The following CCSER1 variants were observed in gnomAD, a reference collection of about 807,000 sequenced individuals.
The protein encoded by CCSER1 is serine-rich coiled-coil domain-containing protein 1.
CCSER1 carries 41 observed loss-of-function variants against 82.0 expected under a neutral mutation model. That is an observed-to-expected ratio of 0.50 (90% CI 0.39 to 0.65). CCSER1 has a LOEUF of 0.65. Ranked by LOEUF, CCSER1 falls within the 30% of genes least tolerant of loss-of-function variation. The pLI, the probability that CCSER1 is intolerant of heterozygous loss-of-function variation, is 0.00. For missense variants in CCSER1, 1,119 were observed against 1,064.2 expected (o/e 1.05, Z -0.72); for synonymous variants, 414 against 383.9 (o/e 1.08, Z -0.92).
At chr4:90,486,578 A>G (rs950035117) in intron 5 of CCSER1, among the ~76,000 whole-genome samples, 2 of 152,192 alleles carry the variant, frequency 1.3e-5, no homozygotes, top group East Asian at 3.9e-4. Context: ...CTAAAACTTC[A>G]CTAGTCATGA....
chr4:91,081,353 A>C (rs1335036854), intron 9 of CCSER1, among the ~76,000 whole-genome samples: 2 of 152,112 alleles, frequency 1.3e-5, no homozygotes, highest in Non-Finnish European at 2.9e-5. Context: ...CGATGAATAA[A>C]ATTCAACAGC....
chr4:90,296,991 C>T (rs1732090990), intron 1 of CCSER1, among the ~76,000 whole-genome samples: 1 of 152,012 alleles, frequency 6.6e-6, no homozygotes, highest in Non-Finnish European at 1.5e-5. Flanking sequence ...TTTTTGTTTC[C>T]ATATGAACTT....
intron 5 of CCSER1, among the ~76,000 whole-genome samples, chr4:90,515,585 A>G (rs1385676989): frequency 6.6e-6 from 1 of 152,218 alleles, no homozygotes; most frequent in East Asian, 1.9e-4. Flanking sequence ...TGTATTGTTC[A>G]CATGACATGA....
At chr4:90,600,587 A>C (rs1032394340) in intron 5 of CCSER1, among the ~76,000 whole-genome samples, 1 of 152,168 alleles carries the variant, frequency 6.6e-6, no homozygotes, top group East Asian at 1.9e-4. Flanking sequence ...ATGCTGTGAA[A>C]GATTTTCTTC....
In CCSER1 at chr4:91,278,110, A is replaced by G. The variant is rs536264017; in HGVS notation, c.2217+192116A>G. On this transcript the variant is annotated intron_variant, in intron 10 of 10. Coordinates refer to ENST00000509176, the MANE Select transcript of CCSER1 (RefSeq NM_001145065.2). ...TTTTGTGTCCTAACATATGGCCTGGAGAATGTTCCATATGCTAAGGAGAAG... is the reference window on the plus strand; with the variant it reads ...TTTTGTGTCCTAACATATGGCCTGGGGAATGTTCCATATGCTAAGGAGAAG... Among the ~76,000 whole-genome samples the G allele has an allele frequency of 1.5e-3, 231 of 152,124 alleles. 1 individual carries two copies. Among genetic ancestry groups the G allele is most frequent in the African/African-American group, 5.2e-3 (216 of 41,530 alleles).
At chr4:90,146,622 G>C (rs1033710808) in intron 1 of CCSER1, among the ~76,000 whole-genome samples, 1 of 152,030 alleles carries the variant, frequency 6.6e-6, no homozygotes, top group Non-Finnish European at 1.5e-5. Flanking sequence ...TAACTCAACT[G>C]TTATCGAAAT....
chr4:91,549,694 G>A (rs998298761), intron 10 of CCSER1, among the ~76,000 whole-genome samples: 1 of 152,016 alleles, frequency 6.6e-6, no homozygotes, highest in Non-Finnish European at 1.5e-5. Flanking sequence ...AAAATTAGAC[G>A]GCCGTGCTGG....
At chr4:90,558,263 C>G (rs1778355011) in intron 5 of CCSER1, among the ~76,000 whole-genome samples, 2 of 152,068 alleles carry the variant, frequency 1.3e-5, no homozygotes, top group Non-Finnish European at 2.9e-5. Context: ...TGGAAATATT[C>G]TTTATAAAAA....
intron 1 of CCSER1, among the ~76,000 whole-genome samples, chr4:90,246,803 C>G (rs1416869434): frequency 6.6e-6 from 1 of 151,962 alleles, no homozygotes; most frequent in African/African-American, 2.4e-5. Flanking sequence ...TGAATGTGGT[C>G]TATTTCTTTC....
intron 7 of CCSER1, among the ~76,000 whole-genome samples, chr4:90,796,964 T>A (rs1240176013): frequency 6.6e-6 from 1 of 152,170 alleles, no homozygotes; most frequent in East Asian, 1.9e-4. Flanking sequence ...TATATTCTGT[T>A]CTTTTGGGGT....
intron 5 of CCSER1, among the ~76,000 whole-genome samples, chr4:90,506,460 A>G (rs1770694560): frequency 6.6e-6 from 1 of 152,158 alleles, no homozygotes; most frequent in Admixed American, 6.6e-5. Flanking sequence ...AATGTTTTTC[A>G]GCATTTAAAT....
chr4:90,208,576 CA>C (rs1739367128), intron 1 of CCSER1, among the ~76,000 whole-genome samples: 1 of 152,066 alleles, frequency 6.6e-6, no homozygotes, highest in Admixed American at 6.5e-5. Context: ...GCAGCTAGCT[CA>C]ATGTCTGCCC....
At chr4:90,949,677 G>C (rs1255761199) in intron 9 of CCSER1, among the ~76,000 whole-genome samples, 1 of 152,106 alleles carries the variant, frequency 6.6e-6, no homozygotes, top group Non-Finnish European at 1.5e-5. Context: ...TTTTGTGCCA[G>C]GTATTTCTGT....
intron 7 of CCSER1, among the ~76,000 whole-genome samples, chr4:90,737,151 T>C (rs1236282216): frequency 6.6e-6 from 1 of 152,124 alleles, no homozygotes; most frequent in African/African-American, 2.4e-5. Context: ...TTATGTACCA[T>C]AGTTACGGTG....
intron 10 of CCSER1, among the ~76,000 whole-genome samples, chr4:91,476,283 A>G (rs1007816810): frequency 6.6e-6 from 1 of 151,752 alleles, no homozygotes; most frequent in African/African-American, 2.4e-5. Context: ...TCCTTTCTCC[A>G]CATCCTTGCA....
At chr4:90,170,820 A>T (rs533173583) in intron 1 of CCSER1, among the ~76,000 whole-genome samples, 2 of 151,798 alleles carry the variant, frequency 1.3e-5, no homozygotes, top group Admixed American at 1.3e-4. Context: ...TAGTACTGCA[A>T]TAAACATGGG....
At chr4:90,872,714 T>C (rs1351835681) in intron 8 of CCSER1, among the ~76,000 whole-genome samples, 1 of 152,028 alleles carries the variant, frequency 6.6e-6, no homozygotes, top group Non-Finnish European at 1.5e-5. Flanking sequence ...CGGTGAACTT[T>C]GTACCTTCAG....
chr4:91,248,754 G>T (rs557608024), intron 10 of CCSER1, among the ~76,000 whole-genome samples: 3 of 151,446 alleles, frequency 2.0e-5, no homozygotes, highest in African/African-American at 7.3e-5. Flanking sequence ...TATGAAAAAA[G>T]ATATCGACTT....
At chr4:91,296,449 TTATATATATATATATATGTATATATATA>T (rs1170012124) in intron 10 of CCSER1, among the ~76,000 whole-genome samples, 5 of 94,116 alleles carry the variant, frequency 5.3e-5, no homozygotes, top group African/African-American at 2.8e-4. Context: ...GTGTCTAACA[TTATATATATATATATATGTATATATATA>T]TATATATATT....
Sources: gnomAD v4.1 joint callset for allele counts (sites outside exome capture counted in the v4.1 genomes callset) on GRCh38, gnomAD v4.1.1 for gene constraint, MANE v1.5 for transcripts, NCBI Gene and HGNC (gene_info 2026-07-23, HGNC 2026-07-21) for gene names.